PTPRS: variants seen among roughly 807,000 people sequenced by gnomAD.
PTPRS encodes the protein protein tyrosine phosphatase receptor type S.
A neutral mutation model predicts 215.3 loss-of-function variants in PTPRS; 63 were observed. The ratio of observed to expected loss-of-function variants is 0.29; its 90% CI spans 0.24 to 0.36. The LOEUF (loss-of-function observed/expected upper bound fraction) is 0.36, where lower values mean the gene tolerates loss of function less well. PTPRS is among the 10% of genes least tolerant of loss of function. The pLI, the probability that PTPRS is intolerant of heterozygous loss-of-function variation, is 1.00. For missense variants in PTPRS, 2,258 were observed against 2,825.8 expected, an observed-to-expected ratio of 0.80 and a Z score of 4.56; for synonymous variants, 1,404 against 1,191.4, an observed-to-expected ratio of 1.18 and a Z score of -3.68.
intron 2 of PTPRS, among the ~76,000 whole-genome samples, chr19:5,282,813 A>AG (rs61415954): frequency 1.6e-4 from 24 of 151,250 alleles, no homozygotes; most frequent in Non-Finnish European, 1.5e-5. Flanking sequence ...AAAAAAAAAA[A>AG]GAAGGGACCT....
chr19:5,260,808 G>A lies in PTPRS; in HGVS notation c.592C>T (p.Arg198Ter), dbSNP rs530233682. Residue 198 changes from arginine (R) to a stop codon, truncating the protein, a stop_gained, in exon 7 of 38, where the codon CGA becomes TGA. Transcript: ENST00000262963. LOFTEE classifies it high-confidence loss of function. ...RSETFESTPI[R>*]GALQIESSEE... is the part of the protein sequence containing the mutation. ...GGGTGAGTGAGGAGCCTCTTACCTC[G>A]AATCGGAGTGCTTTCTGTAAGGGAA... is the stretch of plus-strand genomic sequence containing the variant. The A allele has an allele frequency of 7.4e-6, 12 of 1,613,734 alleles. No individual in the cohort carries two copies. The highest frequency in any genetic ancestry group is 5.0e-5 in the Admixed American group (3 of 60,024).
At chr19:5,305,767 T>A (rs112874862) in intron 1 of PTPRS, among the ~76,000 whole-genome samples, 21,261 of 87,148 alleles carry the variant, frequency 0.24, 2,190 homozygotes, top group Non-Finnish European at 0.32. Context: ...ATATATATAT[T>A]TTTTTTTTAA....
rs141070507 is a variant in PTPRS at position 5,223,289 on chromosome 19, G to A, written c.2503C>T (p.Arg835Cys). 2.1e-4 allele frequency: 302 copies of A among 1,460,212 alleles called. No homozygotes were observed. Among genetic ancestry groups the A allele is most frequent in the Non-Finnish European group, 2.5e-4 (278 of 1,113,200 alleles). 90.5% of individuals were successfully genotyped at this position (1,460,212 alleles called of 1,614,324 possible). A position where few individuals can be genotyped will look rare whatever the true frequency, so the allele number is the denominator to read the frequency against. ...GTCTGCTGCACCGACAGGGTTGGGC[G>A]GCCCAGCACTGCGGGGATACGGGGC... Reference protein sequence around the residue: ...VVVTKGAVLGRPTLSVQQTPE... With the variant: ...VVVTKGAVLGCPTLSVQQTPE... The change falls in exon 18 of 38, where the codon CGC (arginine) becomes TGC (cysteine). Residue 835 changes from arginine (R) to cysteine (C), a missense_variant. This residue lies in a region of PTPRS where 371 missense variants were observed against 446.7 expected (regional missense o/e 0.83). Transcript: ENST00000262963.
At chr19:5,274,119 A>C in intron 3 of PTPRS, 80 bp downstream of exon 3, 1 of 1,530,618 alleles carries the variant, frequency 6.5e-7, no homozygotes, top group South Asian at 1.2e-5. Flanking sequence ...CGTGTCCACG[A>C]AGTCCACTGT....
Position 5,293,522 on chromosome 19 carries a change from T to C in PTPRS, c.-94-7288A>G, listed in dbSNP as rs989324150. Among the ~76,000 whole-genome samples, 3 of 152,032 alleles carry C rather than the reference T, an allele frequency of 2.0e-5. No individual in the cohort carries two copies. Among genetic ancestry groups the C allele is most frequent in the Admixed American group, 6.5e-5 (1 of 15,288 alleles). ...AAGACCCCTCCCTCCCGAAGACGTC[T>C]CACGGGGAGCCTCTACACTGCTCCT... On this transcript the variant is annotated intron_variant, in intron 1 of 37. Coordinates refer to ENST00000262963, the MANE Select transcript of PTPRS (RefSeq NM_002850.4). The surrounding 1 kb of genome is among the most constrained non-coding windows in gnomAD (Gnocchi z 8.4).
intron 2 of PTPRS, among the ~76,000 whole-genome samples, chr19:5,281,773 G>A (rs1206467719): frequency 6.6e-6 from 1 of 152,178 alleles, no homozygotes; most frequent in African/African-American, 2.4e-5. Context: ...GCAGAAGCTG[G>A]CTGAGGGTAG....
intron 4 of PTPRS, among the ~76,000 whole-genome samples, chr19:5,267,744 CAAGTGACAAAA>C (rs2046542022): frequency 7.2e-6 from 1 of 139,414 alleles, no homozygotes; most frequent in African/African-American, 2.8e-5. Flanking sequence ...CTCCAACGGA[CAAGTGACAAAA>C]AAGTGACAAA....
At chr19:5,249,237 G>A (rs1455868906) in intron 9 of PTPRS, among the ~76,000 whole-genome samples, 5 of 152,216 alleles carry the variant, frequency 3.3e-5, no homozygotes, top group Non-Finnish European at 7.3e-5. Context: ...CCGGAACCCG[G>A]GAGGCAGAGG....
At chr19:5,270,642 C>T (rs1336750708) in intron 4 of PTPRS, among the ~76,000 whole-genome samples, 1 of 151,752 alleles carries the variant, frequency 6.6e-6, no homozygotes, top group Non-Finnish European at 1.5e-5. Flanking sequence ...CGGGGCCTTT[C>T]TTTTTTTTCT....
intron 18 of PTPRS, 84 bp downstream of exon 18, chr19:5,222,605 T>TGGGCAGGGGAGAGGGAGG: frequency 9.2e-7 from 1 of 1,091,956 alleles, no homozygotes; most frequent in Non-Finnish European, 1.1e-6. Flanking sequence ...AGCACTTACC[T>TGGGCAGGGGAGAGGGAGG]GGGCAGGGGA....
At chr19:5,266,617 G>A (rs915365758) in intron 4 of PTPRS, among the ~76,000 whole-genome samples, 7 of 151,960 alleles carry the variant, frequency 4.6e-5, no homozygotes, top group Non-Finnish European at 8.8e-5. Flanking sequence ...CACCTGCCGT[G>A]GCCTCCCAAA....
chr19:5,224,773 A>T (rs1366044118), intron 17 of PTPRS, among the ~76,000 whole-genome samples: 2 of 152,190 alleles, frequency 1.3e-5, no homozygotes, highest in East Asian at 1.9e-4. Flanking sequence ...TGCTTGGAGG[A>T]GGTGGCGTTA....
rs533646825 is a variant in PTPRS, at chr19:5,289,042, C to A, written c.-94-2808G>T. On this transcript the variant is annotated intron_variant, in intron 1 of 37. Transcript: ENST00000262963. Reference sequence around the variant, plus strand: ...GCATTTGGGGCATTGGATGATGTATCAGGAATAGGGTGGTGGGAGGGGCCC... The same window carrying A: ...GCATTTGGGGCATTGGATGATGTATAAGGAATAGGGTGGTGGGAGGGGCCC... Among the ~76,000 whole-genome samples the A allele has an allele frequency of 3.3e-5, 5 of 152,262 alleles. No homozygotes were observed. The East Asian group carries it at 9.7e-4, about 30-fold the overall frequency.
At position 5,226,099 on chromosome 19, in the gene PTPRS, C is replaced by T. The variant is rs1255784264; in HGVS notation, c.2377-255G>A. ...CCTCTCTGCTCCGCTCCCCTCACTCCTTGCCATCACCCCCGACAGTCTGTC... is the reference window on the plus strand; with the variant it reads ...CCTCTCTGCTCCGCTCCCCTCACTCTTTGCCATCACCCCCGACAGTCTGTC... On this transcript the variant is annotated intron_variant, in intron 16 of 37. Transcript: ENST00000262963. Among the ~76,000 whole-genome samples, 6 of 152,214 alleles carry T rather than the reference C, an allele frequency of 3.9e-5. No individual in the cohort carries two copies. The East Asian group carries it at 5.8e-4, about 15-fold the overall frequency.
intron 30 of PTPRS, 114 bp downstream of exon 30, chr19:5,214,247 C>A (rs10425850): frequency 7.0e-6 from 10 of 1,436,972 alleles, no homozygotes; most frequent in Non-Finnish European, 9.5e-6. Flanking sequence ...TGGGTAGACA[C>A]GCTCCGCTTT....
intron 18 of PTPRS, 47 bp downstream of exon 18, chr19:5,222,642 G>T: frequency 1.5e-6 from 2 of 1,369,394 alleles, no homozygotes; most frequent in Non-Finnish European, 1.9e-6. Flanking sequence ...GTGGGGGTGG[G>T]CGCAAGGCCC....
At chr19:5,238,479 GTCC>G (rs1346257852) in intron 13 of PTPRS, among the ~76,000 whole-genome samples, 2 of 152,160 alleles carry the variant, frequency 1.3e-5, no homozygotes, top group Non-Finnish European at 2.9e-5. Flanking sequence ...TCGTCTCTGT[GTCC>G]TTTGCTCTGA....
rs989269873 is a variant in PTPRS at position 5,237,144 on chromosome 19, T to C, written c.1849+1775A>G. On this transcript the variant is annotated intron_variant, in intron 13 of 37. Transcript: ENST00000262963. This position sits in a 1 kb window ranked among gnomAD's most constrained non-coding sequence, Gnocchi z 4.2. The stretch of plus-strand genomic sequence containing the variant: ...CTCTTGGTGGGTCTCAGGATGCCAG[T>C]GGCCCCGCAGCCCTGCTCCAGCCCC... Among the ~76,000 whole-genome samples the C allele has an allele frequency of 3.3e-5, 5 of 152,124 alleles. No homozygotes were observed. The highest frequency in any genetic ancestry group is 9.7e-5 in the African/African-American group (4 of 41,432).
chr19:5,257,980 G>A lies in PTPRS; in HGVS notation c.706+37C>T, dbSNP rs369055141. ...AGGAGGGAGGGGGATGGGACGGGGCGGGTCCCTGCCTTTGACCTGGACGCG... is the reference window on the plus strand; with the variant it reads ...AGGAGGGAGGGGGATGGGACGGGGCAGGTCCCTGCCTTTGACCTGGACGCG... On this transcript the variant is annotated intron_variant, in intron 8 of 37. Transcript: ENST00000262963. The surrounding 1 kb of genome is among the most constrained non-coding windows in gnomAD (Gnocchi z 4.4). 116 of 1,560,720 alleles carry A rather than the reference G, an allele frequency of 7.4e-5. No individual in the cohort carries two copies. The highest frequency in any genetic ancestry group is 8.1e-5 in the African/African-American group (6 of 73,874).
Sources: gnomAD v4.1 joint callset for allele counts (sites outside exome capture counted in the v4.1 genomes callset) on GRCh38, gnomAD v4.1.1 for gene constraint, gnomAD v4.1.1 regional missense constraint, Gnocchi (gnomAD v3.1) non-coding constraint, MANE v1.5 for transcripts, NCBI Gene and HGNC (gene_info 2026-07-23, HGNC 2026-07-21) for gene names.